Variants in SCOC observed in about 807,000 individuals in gnomAD.
SCOC encodes the protein short coiled coil protein.
SCOC carries 7 observed loss-of-function variants against 9.9 expected under a neutral mutation model. The ratio of observed to expected loss-of-function variants is 0.71; its 90% CI spans 0.40 to 1.33. The LOEUF (loss-of-function observed/expected upper bound fraction) is 1.33. Ranked by LOEUF, SCOC falls within the 40% of genes most tolerant of loss-of-function variation. SCOC has a pLI of 0.01. For missense variants in SCOC, 66 were observed against 89.7 expected (o/e 0.74, Z 1.07); for synonymous variants, 19 against 28.2 (o/e 0.67, Z 1.03).
upstream of SCOC, chr4:140,373,285 G>A (rs1389344558): frequency 7.4e-7 from 1 of 1,349,436 alleles, no homozygotes; most frequent in Admixed American, 3.5e-5. Flanking sequence ...TGACTTCTCT[G>A]TCGCTCATAC....
intron 1 of SCOC, among the ~76,000 whole-genome samples, chr4:140,282,164 TATA>T (rs1731114997): frequency 6.6e-6 from 1 of 152,194 alleles, no homozygotes. Context: ...GTTTGAACAT[TATA>T]ATATTAGTTG....
At chr4:140,352,173 A>G (rs971817818) in intron 2 of SCOC, among the ~76,000 whole-genome samples, 9 of 152,232 alleles carry the variant, frequency 5.9e-5, no homozygotes, top group Non-Finnish European at 1.0e-4. Context: ...GAATTTGGCT[A>G]TGAATACTAA....
chr4:140,312,513 C>T (rs34387774), intron 1 of SCOC, among the ~76,000 whole-genome samples: 1,691 of 152,182 alleles, frequency 0.011, 34 homozygotes, highest in African/African-American at 0.032. Context: ...ACTGTAACCT[C>T]GAACTCCTGG....
At chr4:140,290,926 A>G (rs1731451865) in intron 1 of SCOC, among the ~76,000 whole-genome samples, 1 of 152,258 alleles carries the variant, frequency 6.6e-6, no homozygotes, top group African/African-American at 2.4e-5. Context: ...TTCTGTGCTC[A>G]GAAACATGTG....
chr4:140,273,257 T>C (rs1029046399), intron 1 of SCOC, among the ~76,000 whole-genome samples: 1 of 152,220 alleles, frequency 6.6e-6, no homozygotes, highest in Non-Finnish European at 1.5e-5. Flanking sequence ...ACATCTGGAC[T>C]GAAGGGCTGT....
intron 1 of SCOC, among the ~76,000 whole-genome samples, chr4:140,377,574 T>A (rs1486862578): frequency 6.6e-6 from 1 of 152,224 alleles, no homozygotes; most frequent in Non-Finnish European, 1.5e-5. Context: ...TCTAGACTAG[T>A]GAGTGCTATC....
At chr4:140,282,479 G>C (rs993637094) in intron 1 of SCOC, among the ~76,000 whole-genome samples, 1 of 151,694 alleles carries the variant, frequency 6.6e-6, no homozygotes, top group African/African-American at 2.4e-5. Flanking sequence ...CCCACCCCCC[G>C]TCCCCATGAA....
chr4:140,290,290 A>G (rs1396666090), intron 1 of SCOC, among the ~76,000 whole-genome samples: 5 of 152,178 alleles, frequency 3.3e-5, no homozygotes, highest in Non-Finnish European at 7.3e-5. Context: ...AAAATCTCAG[A>G]CCCTTCACAG....
intron 1 of SCOC, among the ~76,000 whole-genome samples, chr4:140,310,378 G>A (rs1285707643): frequency 6.6e-6 from 1 of 152,160 alleles, no homozygotes; most frequent in African/African-American, 2.4e-5. Flanking sequence ...AGGACGTTAT[G>A]GGTGCATTAC....
chr4:140,363,036 G>C (rs1435674899), intron 2 of SCOC, among the ~76,000 whole-genome samples: 1 of 152,178 alleles, frequency 6.6e-6, no homozygotes, highest in Non-Finnish European at 1.5e-5. Flanking sequence ...TAAAGAGCAA[G>C]CTTGCTTCCA....
chr4:140,287,425 A>C (rs936774290), intron 1 of SCOC, among the ~76,000 whole-genome samples: 1 of 151,744 alleles, frequency 6.6e-6, no homozygotes, highest in African/African-American at 2.4e-5. Context: ...CACACTACAC[A>C]GACCATGCAC....
At chr4:140,296,265 T>C (rs921298095) in intron 1 of SCOC, among the ~76,000 whole-genome samples, 4 of 152,168 alleles carry the variant, frequency 2.6e-5, no homozygotes, top group Non-Finnish European at 5.9e-5. Context: ...TTAATGAGCA[T>C]GTTCTTCGTG....
chr4:140,362,303 T>TCTTCTTC (rs1253683051), intron 2 of SCOC, among the ~76,000 whole-genome samples: 10 of 44,246 alleles, frequency 2.3e-4, no homozygotes, highest in South Asian at 7.7e-4. Context: ...CTTCTTCTTT[T>TCTTCTTC]TTTTTTTTTT....
At chr4:140,370,856 A>G (rs889750847), upstream of SCOC, among the ~76,000 whole-genome samples, 1 of 149,756 alleles carries the variant, frequency 6.7e-6, no homozygotes, top group Non-Finnish European at 1.5e-5. Flanking sequence ...GCATATATTT[A>G]TCTTGAGTTG....
upstream of SCOC, among the ~76,000 whole-genome samples, chr4:140,340,194 G>T (rs543543865): frequency 6.6e-6 from 1 of 151,892 alleles, no homozygotes; most frequent in Non-Finnish European, 1.5e-5. Context: ...GCAAACTATC[G>T]CAAGGACAAA....
chr4:140,332,359 CTTTTTTTTTTTTTTTTTTT>C (rs70943486), intron 1 of SCOC, among the ~76,000 whole-genome samples: 2 of 76,828 alleles, frequency 2.6e-5, no homozygotes, highest in African/African-American at 8.0e-5. Context: ...CTGGAGTCAT[CTTTTTTTTTTTTTTTTTTT>C]TTTTTTTTTT....
intron 1 of SCOC, among the ~76,000 whole-genome samples, chr4:140,266,741 C>T (rs77524101): frequency 6.6e-6 from 1 of 152,008 alleles, no homozygotes; most frequent in Non-Finnish European, 1.5e-5. Context: ...TCTATAATTA[C>T]GCTGTATTCA....
chr4:140,332,818 T>C (rs1301216602), intron 1 of SCOC, among the ~76,000 whole-genome samples: 1 of 152,004 alleles, frequency 6.6e-6, no homozygotes, highest in Non-Finnish European at 1.5e-5. Flanking sequence ...GCATCATCTC[T>C]TGCCTGGATT....
At chr4:140,287,901 A>G (rs2126428447) in intron 1 of SCOC, among the ~76,000 whole-genome samples, 1 of 152,112 alleles carries the variant, frequency 6.6e-6, no homozygotes, top group East Asian at 1.9e-4. Flanking sequence ...CCACATACAC[A>G]CAACATATGT....
Sources: gnomAD v4.1 joint callset for allele counts (sites outside exome capture counted in the v4.1 genomes callset) on GRCh38, gnomAD v4.1.1 for gene constraint, MANE v1.5 for transcripts, NCBI Gene and HGNC (gene_info 2026-07-23, HGNC 2026-07-21) for gene names.